SALL4: variants seen among roughly 807,000 people sequenced by gnomAD.
The protein encoded by SALL4 is spalt like transcription factor 4, also known as sal-like protein 4.
SALL4 carries 4 observed loss-of-function variants against 60.8 expected under a neutral mutation model. The ratio of observed to expected loss-of-function variants is 0.07; its 90% CI spans 0.03 to 0.15. The LOEUF is 0.15. Ranked by LOEUF, SALL4 falls within the 10% of genes least tolerant of loss-of-function variation. The pLI is 1.00. For missense variants in SALL4, 1,178 were observed against 1,394.7 expected (o/e 0.84, Z 2.48); for synonymous variants, 580 against 574.9 (o/e 1.01, Z -0.13).
In SALL4 at chr20:51,784,253, G is replaced by C. The variant is rs570070023; in HGVS notation, c.*12C>G. On this transcript the variant is annotated 3_prime_UTR_variant, in exon 4 of 4. Coordinates refer to ENST00000217086, the MANE Select transcript of SALL4 (RefSeq NM_020436.5). ...ACTGTGTCTGCATTGCTCCTTCCAC[G>C]CAAGTTCTCCCTTAGCTGACCGCAA... 1.2e-6 allele frequency: 2 copies of C among 1,613,084 alleles called. No individual in the cohort carries two copies. Among genetic ancestry groups the C allele is most frequent in the Admixed American group, 1.7e-5 (1 of 59,994 alleles).
At position 51,791,011 on chromosome 20, in the gene SALL4, G is replaced by A. The variant is rs141604488; in HGVS notation, c.1472C>T (p.Ser491Leu). Reference sequence around the variant, plus strand: ...CGTGAGGTCCTTGGGATTAGTCCCCGAAGAAAGATTCTGAGGTAGCCCTAC... The same window carrying A: ...CGTGAGGTCCTTGGGATTAGTCCCCAAAGAAAGATTCTGAGGTAGCCCTAC... ...TSVGLPQNLS[S>L]GTNPKDLTGG... The change falls in exon 2 of 4, where the codon TCG becomes TTG. Residue 491 changes from serine (S) to leucine (L), a missense_variant. Ser to Leu is a moderately radical substitution (Grantham distance 145). This residue lies in a region of SALL4 where 853 missense variants were observed against 1,036.8 expected (regional missense o/e 0.82). Coordinates refer to ENST00000217086, the MANE Select transcript of SALL4 (RefSeq NM_020436.5). The surrounding 1 kb of genome is among the most constrained non-coding windows in gnomAD (Gnocchi z 4.6). 47 of 1,614,048 alleles carry A rather than the reference G, an allele frequency of 2.9e-5. No individual in the cohort carries two copies. Among genetic ancestry groups the A allele is most frequent in the African/African-American group, 2.3e-4 (17 of 74,918 alleles).
intron 2 of SALL4, 25 bp from the exon 3 acceptor site, chr20:51,789,166 C>T (rs761143955): frequency 6.2e-7 from 1 of 1,612,430 alleles, no homozygotes. Context: ...GGAAAAAAGC[C>T]AGACCTTTAT....
chr20:51,785,355 C>T (rs56195844), intron 3 of SALL4, among the ~76,000 whole-genome samples: 45,835 of 152,036 alleles, frequency 0.3, 7,723 homozygotes, highest in East Asian at 0.58. Flanking sequence ...TGAGCATGTA[C>T]TGAAAGTGAG....
rs1239859922 is a variant in SALL4 at position 51,783,737 on chromosome 20, A to C, written c.*528T>G. 1 of 158,290 alleles carries C rather than the reference A, an allele frequency of 6.3e-6. No homozygotes were observed. Among genetic ancestry groups the C allele is most frequent in the Non-Finnish European group, 1.4e-5 (1 of 71,652 alleles). 9.8% of individuals were successfully genotyped at this position (158,290 alleles called of 1,614,324 possible). A position where few individuals can be genotyped will look rare whatever the true frequency, so the allele number is the denominator to read the frequency against. On this transcript the variant is annotated 3_prime_UTR_variant, in exon 4 of 4. Transcript: ENST00000217086. The stretch of plus-strand genomic sequence containing the variant: ...TTTCCAAAATTAGAAAAAAAAAAAA[A>C]AAGTGCCAGGCGTGGTAGCTCATGC...
chr20:51,784,639 C>G lies in SALL4; in HGVS notation c.2788G>C (p.Gly930Arg), dbSNP rs200010743. 5.4e-5 allele frequency: 87 copies of G among 1,614,028 alleles called. No individual in the cohort carries two copies. The highest frequency in any genetic ancestry group is 7.2e-5 in the Non-Finnish European group (85 of 1,180,024). The change falls in exon 4 of 4, where the codon GGA (glycine) becomes CGA (arginine). Residue 930 changes from glycine (G) to arginine (R), a missense_variant. This residue lies in a region of SALL4 where 174 missense variants were observed against 169.6 expected (regional missense o/e 1.03). Transcript: ENST00000217086. ...GTGTTCTCGATGGCCAACTTCCTTC[C>G]ACGGCGGGCTGAGTTATTGTTCGCC... is the stretch of plus-strand genomic sequence containing the variant. ...HGANNNSARR[G>R]RKLAIENTMA...
chr20:51,783,512 G>A lies in SALL4; in HGVS notation c.*753C>T, dbSNP rs1324700369. 1.3e-5 allele frequency: 2 copies of A among 151,970 alleles called. No individual in the cohort carries two copies. Among genetic ancestry groups the A allele is most frequent in the Non-Finnish European group, 2.9e-5 (2 of 68,028 alleles). 9.4% of individuals were successfully genotyped at this position (151,970 alleles called of 1,614,324 possible). A position where few individuals can be genotyped will look rare whatever the true frequency, so the allele number is the denominator to read the frequency against. On this transcript the variant is annotated 3_prime_UTR_variant, in exon 4 of 4. Coordinates refer to ENST00000217086, the MANE Select transcript of SALL4 (RefSeq NM_020436.5). ...TGACAGACCTTGTCCTTTTACCCGTGTCCAGTTACCAGTAAGTATACAGTA... is the reference window on the plus strand; with the variant it reads ...TGACAGACCTTGTCCTTTTACCCGTATCCAGTTACCAGTAAGTATACAGTA...
At position 51,784,297 on chromosome 20, in the gene SALL4, A is replaced by T. The variant is rs1305325839; in HGVS notation, c.3130T>A (p.Phe1044Ile). 6.2e-7 allele frequency: 1 copy of T among 1,614,130 alleles called. No individual in the cohort carries two copies. Among genetic ancestry groups the T allele is most frequent in the Non-Finnish European group, 8.5e-7 (1 of 1,180,024 alleles). ...DGVPKHQFPHFLEENKIAVS is the reference protein window; with the variant it reads ...DGVPKHQFPHILEENKIAVS ...ACCGCAATCTTGTTTTCTTCCAGGA[A>T]GTGAGGAAACTGGTGTTTGGGAACG... is the stretch of plus-strand genomic sequence containing the variant. The change falls in exon 4 of 4, where the codon TTC becomes ATC. Residue 1044 changes from phenylalanine (F) to isoleucine (I), a missense_variant. Transcript: ENST00000217086.
rs769246771 is a variant in SALL4, at chr20:51,784,345, C to G, written c.3082G>C (p.Glu1028Gln). Residue 1028 changes from glutamate (E) to glutamine (Q), a missense_variant, in exon 4 of 4, where the codon GAA (glutamate) becomes CAA (glutamine). Glu to Gln is a conservative substitution (Grantham distance 29, BLOSUM62 2). Transcript: ENST00000217086. The part of the protein sequence containing the change: ...GSQSGISADV[E>Q]KPSATDGVPK... ...ACGCCGTCAGTAGCACTTGGTTTTTCCACATCTGCACTGATACCCGACTGG... is the reference window on the plus strand; with the variant it reads ...ACGCCGTCAGTAGCACTTGGTTTTTGCACATCTGCACTGATACCCGACTGG... 6.2e-7 allele frequency: 1 copy of G among 1,614,198 alleles called. No homozygotes were observed. Among genetic ancestry groups the G allele is most frequent in the Non-Finnish European group, 8.5e-7 (1 of 1,180,034 alleles).
At chr20:51,795,270 G>A (rs867495646) in intron 1 of SALL4, among the ~76,000 whole-genome samples, 7 of 152,236 alleles carry the variant, frequency 4.6e-5, no homozygotes, top group Middle Eastern at 3.4e-3. Context: ...AGCCGAGCAC[G>A]GTGGTGGGCG....
rs527539719 is a variant in SALL4 at position 51,787,228 on chromosome 20, C to G, written c.2742+1633G>C. Among the ~76,000 whole-genome samples, 92 of 152,132 alleles carry G rather than the reference C, an allele frequency of 6.0e-4. 1 individual carries two copies. The highest frequency in any genetic ancestry group is 2.1e-3 in the African/African-American group (89 of 41,496). ...CCTGAGGTCTGGAGTTCGAGATCAGCGTGGCCAACATCGTGAAACCTCGAC... is the reference window on the plus strand; with the variant it reads ...CCTGAGGTCTGGAGTTCGAGATCAGGGTGGCCAACATCGTGAAACCTCGAC... On this transcript the variant is annotated intron_variant, in intron 3 of 3. Transcript: ENST00000217086.
Position 51,784,250 on chromosome 20 carries a change from C to T in SALL4, c.*15G>A, listed in dbSNP as rs777070870. 6 of 1,612,926 alleles carry T rather than the reference C, an allele frequency of 3.7e-6. No individual in the cohort carries two copies. The South Asian group carries it at 5.5e-5, about 15-fold the overall frequency. On this transcript the variant is annotated 3_prime_UTR_variant, in exon 4 of 4. Transcript: ENST00000217086. Reference sequence around the variant, plus strand: ...TTCACTGTGTCTGCATTGCTCCTTCCACGCAAGTTCTCCCTTAGCTGACCG... The same window carrying T: ...TTCACTGTGTCTGCATTGCTCCTTCTACGCAAGTTCTCCCTTAGCTGACCG...
At chr20:51,789,944 T>C (rs1035531361) in intron 2 of SALL4, 78 bp downstream of exon 2, 30 of 1,577,368 alleles carry the variant, frequency 1.9e-5, no homozygotes, top group Non-Finnish European at 2.6e-5. Context: ...TACTCTCCGT[T>C]TGTAAAGTTC....
intron 1 of SALL4, among the ~76,000 whole-genome samples, 167 bp from the exon 2 acceptor site, chr20:51,792,519 TCACTACTAAAAACACAAAAATTAGC>T (rs1295517412): frequency 2.0e-5 from 3 of 151,682 alleles, no homozygotes; most frequent in Non-Finnish European, 4.4e-5. Context: ...TGAGACCCTG[TCACTACTAAAAACACAAAAATTAGC>T]TGGGCATGGT....
rs764594283 is a variant in SALL4, at chr20:51,791,061, G to T, written c.1422C>A (p.Ser474Arg). 1.9e-6 allele frequency: 3 copies of T among 1,614,054 alleles called. No homozygotes were observed. The African/African-American group carries it at 4.0e-5, about 22-fold the overall frequency. The change falls in exon 2 of 4, where the codon AGC becomes AGA. Residue 474 changes from serine to arginine, a missense_variant. By Grantham distance (110) the Ser-to-Arg change is moderately radical. This residue lies in a region of SALL4 where 853 missense variants were observed against 1,036.8 expected (regional missense o/e 0.82). Transcript: ENST00000217086. This position sits in a 1 kb window ranked among gnomAD's most constrained non-coding sequence, Gnocchi z 4.6. ...PIDEPSLSLD[S>R]KPVLVTTSVG... ...CAGAGGTGGTTACAAGGACAGGTTTGCTGTCTAAAGAAAGACTCGGTTCAT... is the reference window on the plus strand; with the variant it reads ...CAGAGGTGGTTACAAGGACAGGTTTTCTGTCTAAAGAAAGACTCGGTTCAT...
chr20:51,792,558 G>A (rs2078054255), intron 1 of SALL4, among the ~76,000 whole-genome samples: 2 of 151,736 alleles, frequency 1.3e-5, no homozygotes, highest in African/African-American at 4.8e-5. Context: ...GCATGGTGGT[G>A]GGCTCCTGTG....
At chr20:51,793,620 G>T (rs997690325) in intron 1 of SALL4, among the ~76,000 whole-genome samples, 1 of 152,230 alleles carries the variant, frequency 6.6e-6, no homozygotes. Flanking sequence ...GTAGAGATGG[G>T]GTTTCACCAT....
rs757219006 is a variant in SALL4 at position 51,790,565 on chromosome 20, T to A, written c.1918A>T (p.Met640Leu). 14 of 1,614,058 alleles carry A rather than the reference T, an allele frequency of 8.7e-6. No individual in the cohort carries two copies. In the South Asian group the frequency reaches 1.5e-4, roughly 18 times the overall value. ...TGCATCCGAATATGTTGCTGCAGCA[T>A]CACGGCATTAGTGAACTTCTTCTGG... ...ICQKKFTNAVMLQQHIRMHMG... is the reference protein window; with the variant it reads ...ICQKKFTNAVLLQQHIRMHMG... The change falls in exon 2 of 4, where the codon ATG becomes TTG. Residue 640 changes from methionine (M) to leucine (L), a missense_variant. Met to Leu is a conservative substitution (Grantham distance 15, BLOSUM62 2). Coordinates refer to ENST00000217086, the MANE Select transcript of SALL4 (RefSeq NM_020436.5). This position sits in a 1 kb window ranked among gnomAD's most constrained non-coding sequence, Gnocchi z 5.5.
chr20:51,785,961 T>A (rs1228891404), intron 3 of SALL4, among the ~76,000 whole-genome samples: 1 of 150,308 alleles, frequency 6.7e-6, no homozygotes, highest in Non-Finnish European at 1.5e-5. Context: ...AGTCTTAATC[T>A]GTCACCCAGG....
Position 51,802,272 on chromosome 20 carries a change from C to CA in SALL4, c.130+6dup, listed in dbSNP as rs750625183. ...CCTCCCCGGGCGGGCGCCCCAGCCCCACTCACCCAGCTCCCCCGCCGCGGG... is the reference window on the plus strand; with the variant it reads ...CCTCCCCGGGCGGGCGCCCCAGCCCCAACTCACCCAGCTCCCCCGCCGCGGG... On this transcript the variant is annotated splice_region_variant and intron_variant, in intron 1 of 3. Transcript: ENST00000217086. 26 of 1,599,884 alleles carry CA rather than the reference C, an allele frequency of 1.6e-5. No individual in the cohort carries two copies. Among genetic ancestry groups the CA allele is most frequent in the Admixed American group, 3.4e-5 (2 of 58,802 alleles).
Sources: allele counts gnomAD v4.1 joint callset (sites outside exome capture counted in the v4.1 genomes callset), GRCh38; gene constraint gnomAD v4.1.1; regional missense constraint gnomAD v4.1.1; non-coding constraint Gnocchi (gnomAD v3.1); transcripts MANE v1.5; gene names NCBI Gene and HGNC (gene_info 2026-07-23, HGNC 2026-07-21).